The following DPYD variants were observed in gnomAD, a reference collection of about 807,000 sequenced individuals.
DPYD encodes dihydropyrimidine dehydrogenase [NADP(+)].
In DPYD, 109 loss-of-function variants were observed where a neutral mutation model predicts 116.2. The observed-to-expected ratio is 0.94, with a 90% CI of 0.80 to 1.10. DPYD has a LOEUF of 1.10. DPYD is among the 50% of genes least tolerant of loss of function. DPYD has a pLI of 0.00. For synonymous variants in DPYD, 440 were observed against 432.0 expected (o/e 1.02, Z -0.23); for missense variants, 1,302 against 1,254.5 (o/e 1.04, Z -0.57).
intron 2 of DPYD, among the ~76,000 whole-genome samples, chr1:97,834,022 T>C (rs1241810107): frequency 6.6e-6 from 1 of 152,124 alleles, no homozygotes; most frequent in Non-Finnish European, 1.5e-5. Context: ...AGCCCATCTA[T>C]GGCCCAACGT....
intron 5 of DPYD, among the ~76,000 whole-genome samples, chr1:97,715,886 T>G (rs932882344): frequency 6.6e-6 from 1 of 152,146 alleles, no homozygotes; most frequent in Non-Finnish European, 1.5e-5. Flanking sequence ...TTCATTAGAA[T>G]ACATATGTCT....
At chr1:97,578,398 G>T (rs1383341360) in intron 10 of DPYD, among the ~76,000 whole-genome samples, 1 of 151,956 alleles carries the variant, frequency 6.6e-6, no homozygotes. Flanking sequence ...ACCGCACTGG[G>T]CATCATCATG....
chr1:97,626,818 A>G (rs2100783643), intron 8 of DPYD, among the ~76,000 whole-genome samples: 1 of 152,234 alleles, frequency 6.6e-6, no homozygotes, highest in South Asian at 2.1e-4. Context: ...TAAATTCCCA[A>G]AGCATCTCAG....
intron 2 of DPYD, among the ~76,000 whole-genome samples, chr1:97,840,361 G>A (rs934586186): frequency 7.2e-5 from 11 of 151,970 alleles, no homozygotes; most frequent in African/African-American, 1.7e-4. Context: ...GCATCCAAGC[G>A]GAAAATGGGG....
At chr1:97,712,223 A>G (rs1557900671) in intron 5 of DPYD, among the ~76,000 whole-genome samples, 1 of 151,938 alleles carries the variant, frequency 6.6e-6, no homozygotes, top group Non-Finnish European at 1.5e-5. Context: ...GAAGCTTCTG[A>G]ACTTCTCTAT....
intron 20 of DPYD, among the ~76,000 whole-genome samples, chr1:97,157,314 T>A (rs1460198084): frequency 6.6e-6 from 1 of 152,144 alleles, no homozygotes; most frequent in Non-Finnish European, 1.5e-5. Flanking sequence ...ATAAGTTATA[T>A]CACCTAGTGT....
intron 8 of DPYD, among the ~76,000 whole-genome samples, chr1:97,610,169 C>A (rs2786501): frequency 0.14 from 20,742 of 151,900 alleles, 1,611 homozygotes; most frequent in African/African-American, 0.2. Context: ...TAAACTATAA[C>A]TGTCCCAGAT....
Position 97,475,141 on chromosome 1 carries a change from G to A in DPYD, c.1741-24918C>T, listed in dbSNP as rs370127449. Among the ~76,000 whole-genome samples, 17 of 152,110 alleles carry A rather than the reference G, an allele frequency of 1.1e-4. No homozygotes were observed. In the East Asian group the frequency reaches 3.3e-3, roughly 29 times the overall value. On this transcript the variant is annotated intron_variant, in intron 13 of 22. Coordinates refer to ENST00000370192, the MANE Select transcript of DPYD (RefSeq NM_000110.4). The stretch of plus-strand genomic sequence containing the variant: ...AATGATTGCGGCATCATTTTTGTGG[G>A]CATTCATTCATGTTTGAATCTGATA...
chr1:97,527,203 C>T (rs1308065988), intron 12 of DPYD, among the ~76,000 whole-genome samples: 1 of 151,870 alleles, frequency 6.6e-6, no homozygotes, highest in Non-Finnish European at 1.5e-5. Context: ...CTCAGCCTCT[C>T]GAGTAGCTGG....
chr1:97,233,818 T>A (rs1224438112), intron 19 of DPYD, among the ~76,000 whole-genome samples: 2 of 152,214 alleles, frequency 1.3e-5, no homozygotes, highest in Non-Finnish European at 2.9e-5. Flanking sequence ...TCATCAGTTT[T>A]ACATATAAGG....
intron 13 of DPYD, among the ~76,000 whole-genome samples, chr1:97,456,061 G>T (rs1006136523): frequency 6.6e-6 from 1 of 151,480 alleles, no homozygotes; most frequent in Non-Finnish European, 1.5e-5. Context: ...GATATGTATA[G>T]CACAAATCTG....
intron 1 of DPYD, among the ~76,000 whole-genome samples, chr1:97,893,601 C>T (rs920575500): frequency 6.6e-6 from 1 of 151,006 alleles, no homozygotes; most frequent in Non-Finnish European, 1.5e-5. Flanking sequence ...ATTTGTAAAA[C>T]ATCAAAAAAT....
At chr1:97,724,835 T>C (rs146804610) in intron 4 of DPYD, among the ~76,000 whole-genome samples, 3 of 151,084 alleles carry the variant, frequency 2.0e-5, no homozygotes, top group African/African-American at 4.8e-5. Context: ...CTATTCACCA[T>C]AGCACTTGAA....
At chr1:97,122,739 A>G (rs1014868353) in intron 20 of DPYD, among the ~76,000 whole-genome samples, 63 of 152,210 alleles carry the variant, frequency 4.1e-4, no homozygotes, top group African/African-American at 1.5e-3. Flanking sequence ...TGTTGCTTTA[A>G]TCTTTCCTTA....
chr1:97,910,330 G>C (rs1673874220), intron 1 of DPYD, among the ~76,000 whole-genome samples: 1 of 152,004 alleles, frequency 6.6e-6, no homozygotes. Flanking sequence ...TTTAAAAAAA[G>C]AGAGTAAATT....
intron 19 of DPYD, among the ~76,000 whole-genome samples, chr1:97,193,714 C>T (rs1261437067): frequency 6.6e-6 from 1 of 152,136 alleles, no homozygotes; most frequent in African/African-American, 2.4e-5. Context: ...CTTACCCCTG[C>T]CTCTGTCTCC....
At chr1:97,373,795 C>A in intron 15 of DPYD, 151 bp from the exon 16 acceptor site, 1 of 682,622 alleles carries the variant, frequency 1.5e-6, no homozygotes, top group Non-Finnish European at 2.5e-6. Context: ...GTCTCTCTCT[C>A]TCAAATTAAG....
At chr1:97,147,015 A>C (rs879697207) in intron 20 of DPYD, among the ~76,000 whole-genome samples, 1 of 152,178 alleles carries the variant, frequency 6.6e-6, no homozygotes, top group Non-Finnish European at 1.5e-5. Flanking sequence ...AAACCACTTT[A>C]CTGAAAGATA....
chr1:97,088,143 C>T (rs928839634), intron 21 of DPYD, among the ~76,000 whole-genome samples: 2 of 152,084 alleles, frequency 1.3e-5, no homozygotes, highest in Non-Finnish European at 2.9e-5. Context: ...TACTTGTCAG[C>T]TTCTCATTTT....
Sources: gnomAD v4.1 joint callset for allele counts (sites outside exome capture counted in the v4.1 genomes callset) on GRCh38, gnomAD v4.1.1 for gene constraint, MANE v1.5 for transcripts, NCBI Gene and HGNC (gene_info 2026-07-23, HGNC 2026-07-21) for gene names.